The following PNLIPRP3 variants were observed in gnomAD, a reference collection of about 807,000 sequenced individuals.
The protein encoded by PNLIPRP3 is pancreatic lipase related protein 3.
Under a neutral mutation model 52.8 loss-of-function variants are expected in PNLIPRP3, and 58 were observed. The ratio of observed to expected loss-of-function variants is 1.10; its 90% CI spans 0.89 to 1.37. The LOEUF (loss-of-function observed/expected upper bound fraction) is 1.37. Among genes scored for constraint, PNLIPRP3 ranks in the 40% most tolerant of loss-of-function variants. The pLI is 0.00. For synonymous variants in PNLIPRP3, 192 were observed against 185.0 expected (o/e 1.04, Z -0.31); for missense variants, 593 against 561.6 (o/e 1.06, Z -0.57).
chr10:116,431,603 T>A (rs978609140), intron 1 of PNLIPRP3, among the ~76,000 whole-genome samples: 14 of 152,196 alleles, frequency 9.2e-5, no homozygotes, highest in African/African-American at 3.1e-4. Context: ...TTTAATCTCA[T>A]ATTAAATGGG....
intron 5 of PNLIPRP3, among the ~76,000 whole-genome samples, chr10:116,456,530 C>T (rs767207312): frequency 3.3e-5 from 5 of 152,172 alleles, no homozygotes; most frequent in East Asian, 1.9e-4. Flanking sequence ...TTGTCCTGGA[C>T]GTTCCTGACA....
rs189263200 is a variant in PNLIPRP3 at position 116,475,683 on chromosome 10, G to C, written c.1173-969G>C. ...TATGTAGGTGCCTACGCTGTACCAGGAACTGTTCTAATTGCTGGGGATGCA... is the reference window on the plus strand; with the variant it reads ...TATGTAGGTGCCTACGCTGTACCAGCAACTGTTCTAATTGCTGGGGATGCA... On this transcript the variant is annotated intron_variant, in intron 10 of 11. Coordinates refer to ENST00000369230, the MANE Select transcript of PNLIPRP3 (RefSeq NM_001011709.3). Among the ~76,000 whole-genome samples the C allele has an allele frequency of 2.6e-5, 4 of 152,276 alleles. No homozygotes were observed. In the East Asian group the frequency reaches 7.7e-4, roughly 29 times the overall value.
At chr10:116,460,889 A>G in intron 5 of PNLIPRP3, 77 bp from the exon 6 acceptor site, 1 of 1,541,694 alleles carries the variant, frequency 6.5e-7, no homozygotes, top group Non-Finnish European at 8.8e-7. Context: ...TAATGTAGGA[A>G]AGGACACATG....
chr10:116,469,329 A>G lies in PNLIPRP3; in HGVS notation c.1060+12A>G. Reference sequence around the variant, plus strand: ...TTCCCCATTTGCCCGTAAGTATCATAGCTAAGTTTAATTGTAATGCTTTAA... The same window carrying G: ...TTCCCCATTTGCCCGTAAGTATCATGGCTAAGTTTAATTGTAATGCTTTAA... On this transcript the variant is annotated intron_variant, in intron 9 of 11. Transcript: ENST00000369230. The G allele has an allele frequency of 2.5e-6, 4 of 1,594,684 alleles. No homozygotes were observed. The highest frequency in any genetic ancestry group is 3.4e-6 in the Non-Finnish European group (4 of 1,172,106).
At chr10:116,450,564 A>G (rs1846019703) in intron 4 of PNLIPRP3, among the ~76,000 whole-genome samples, 1 of 152,182 alleles carries the variant, frequency 6.6e-6, no homozygotes, top group South Asian at 2.1e-4. Context: ...ACAAACCTTT[A>G]GCTAGACTAA....
At chr10:116,447,061 C>T (rs1183438584) in intron 4 of PNLIPRP3, among the ~76,000 whole-genome samples, 1 of 152,110 alleles carries the variant, frequency 6.6e-6, no homozygotes, top group Non-Finnish European at 1.5e-5. Context: ...AGCCCCTTCC[C>T]CTAGCTCAGT....
At position 116,477,551 on chromosome 10, in the gene PNLIPRP3, T is replaced by C. The variant is rs1846494844; in HGVS notation, c.*398T>C. Reference sequence around the variant, plus strand: ...TATAATAATCATTGTTCTAAAATTATATAAAACTATTTGTTATGTTGTTAA... The same window carrying C: ...TATAATAATCATTGTTCTAAAATTACATAAAACTATTTGTTATGTTGTTAA... On this transcript the variant is annotated 3_prime_UTR_variant, in exon 12 of 12. Coordinates refer to ENST00000369230, the MANE Select transcript of PNLIPRP3 (RefSeq NM_001011709.3). The C allele has an allele frequency of 6.4e-6, 1 of 156,536 alleles. No individual in the cohort carries two copies. Among genetic ancestry groups the C allele is most frequent in the Admixed American group, 6.4e-5 (1 of 15,572 alleles). 9.7% of individuals were successfully genotyped at this position (156,536 alleles called of 1,614,324 possible).
intron 5 of PNLIPRP3, among the ~76,000 whole-genome samples, chr10:116,459,523 A>G (rs1846160921): frequency 6.6e-6 from 1 of 152,106 alleles, no homozygotes; most frequent in South Asian, 2.1e-4. Context: ...CCCATTGATG[A>G]CCACATCATG....
intron 4 of PNLIPRP3, among the ~76,000 whole-genome samples, chr10:116,448,931 G>T (rs1023993198): frequency 1.7e-4 from 26 of 150,808 alleles, no homozygotes; most frequent in Non-Finnish European, 1.5e-5. Flanking sequence ...CAGGACAATT[G>T]CTTGAACCTG....
At chr10:116,429,357 A>C (rs79245518) in intron 1 of PNLIPRP3, among the ~76,000 whole-genome samples, 2 of 152,136 alleles carry the variant, frequency 1.3e-5, no homozygotes, top group Non-Finnish European at 1.5e-5. Context: ...TCTGGTCCCA[A>C]GCGTTTTGGA....
At chr10:116,429,221 C>A (rs1252152472) in intron 1 of PNLIPRP3, among the ~76,000 whole-genome samples, 1 of 152,002 alleles carries the variant, frequency 6.6e-6, no homozygotes, top group Non-Finnish European at 1.5e-5. Context: ...TATAAAATTA[C>A]CTTTAGCCTA....
intron 4 of PNLIPRP3, among the ~76,000 whole-genome samples, chr10:116,451,138 T>C (rs571950113): frequency 6.6e-6 from 1 of 152,296 alleles, no homozygotes; most frequent in East Asian, 1.9e-4. Context: ...GGTCAACTGA[T>C]CTTCCACAAG....
At chr10:116,455,252 G>C (rs1257731185) in intron 4 of PNLIPRP3, among the ~76,000 whole-genome samples, 5 of 152,170 alleles carry the variant, frequency 3.3e-5, no homozygotes, top group Non-Finnish European at 5.9e-5. Flanking sequence ...ATTTGAGTTT[G>C]TGAATATTCT....
chr10:116,463,807 C>A (rs1380509157), intron 7 of PNLIPRP3, among the ~76,000 whole-genome samples: 2 of 151,966 alleles, frequency 1.3e-5, no homozygotes, highest in Non-Finnish European at 2.9e-5. Context: ...ATAGTCCACG[C>A]CATTCAGTAA....
chr10:116,469,992 G>A (rs1185476466), intron 9 of PNLIPRP3, among the ~76,000 whole-genome samples: 35 of 146,812 alleles, frequency 2.4e-4, no homozygotes, highest in African/African-American at 8.4e-4. Context: ...AAAAATAGAA[G>A]TAGAGAGGTT....
intron 8 of PNLIPRP3, 110 bp downstream of exon 8, chr10:116,466,278 A>G (rs1589989234): frequency 1.4e-6 from 1 of 710,750 alleles, no homozygotes; most frequent in South Asian, 1.9e-5. Flanking sequence ...TGCACCTGCC[A>G]TTTTGGGAAA....
intron 5 of PNLIPRP3, among the ~76,000 whole-genome samples, chr10:116,459,282 A>T (rs1184825874): frequency 6.7e-5 from 7 of 105,058 alleles, no homozygotes; most frequent in African/African-American, 2.8e-4. Context: ...TCAGAAAAAT[A>T]AAAAAAAAAA....
intron 4 of PNLIPRP3, among the ~76,000 whole-genome samples, chr10:116,453,722 T>A (rs1348333596): frequency 6.6e-6 from 1 of 152,036 alleles, no homozygotes; most frequent in African/African-American, 2.4e-5. Context: ...ATACACCAGC[T>A]CCTCCTTTGC....
At chr10:116,433,911 A>G (rs1589974354) in intron 1 of PNLIPRP3, among the ~76,000 whole-genome samples, 2 of 152,364 alleles carry the variant, frequency 1.3e-5, no homozygotes, top group East Asian at 1.9e-4. Context: ...GTTTATTACC[A>G]TAAAGTAACC....
Sources: gnomAD v4.1 joint callset for allele counts (sites outside exome capture counted in the v4.1 genomes callset) on GRCh38, gnomAD v4.1.1 for gene constraint, MANE v1.5 for transcripts, NCBI Gene and HGNC (gene_info 2026-07-23, HGNC 2026-07-21) for gene names.